Variants in GMDS observed in about 807,000 individuals in gnomAD.
GMDS encodes the protein GDP-mannose 4,6-dehydratase.
A neutral mutation model predicts 49.9 loss-of-function variants in GMDS; 20 were observed. That is an observed-to-expected ratio of 0.40 (90% CI 0.28 to 0.58). GMDS has a LOEUF of 0.58. Among genes scored for constraint, GMDS ranks in the 20% least tolerant of loss-of-function variants. The pLI is 0.42. For synonymous variants in GMDS, 177 were observed against 178.6 expected (o/e 0.99, Z 0.07); for missense variants, 362 against 481.4 (o/e 0.75, Z 2.32).
chr6:1,695,981 G>C (rs1333986785), intron 9 of GMDS, among the ~76,000 whole-genome samples: 1 of 146,052 alleles, frequency 6.8e-6, no homozygotes, highest in Non-Finnish European at 1.5e-5. Context: ...AGGAGAGTGA[G>C]AGCACCAAGT....
At chr6:2,108,383 A>G (rs1469984340) in intron 4 of GMDS, among the ~76,000 whole-genome samples, 16 of 151,954 alleles carry the variant, frequency 1.1e-4, no homozygotes, top group Non-Finnish European at 4.4e-5. Context: ...TAAATTTTAT[A>G]TTGAATTAAA....
chr6:2,236,610 C>T (rs1270610712), intron 1 of GMDS, among the ~76,000 whole-genome samples: 1 of 152,132 alleles, frequency 6.6e-6, no homozygotes, highest in Non-Finnish European at 1.5e-5. Flanking sequence ...TTGCAAAATT[C>T]CAATTCATCA....
chr6:1,950,320 T>C (rs1035309508), intron 6 of GMDS, among the ~76,000 whole-genome samples: 3 of 152,238 alleles, frequency 2.0e-5, no homozygotes, highest in African/African-American at 7.2e-5. Context: ...TGTTGTTTTA[T>C]ATCAAAGCCA....
intron 7 of GMDS, among the ~76,000 whole-genome samples, chr6:1,787,949 A>C (rs1581181755): frequency 6.6e-6 from 1 of 151,990 alleles, no homozygotes; most frequent in African/African-American, 2.4e-5. Flanking sequence ...GTGGCATGGG[A>C]GAGTGTGGAG....
At chr6:2,229,515 T>A (rs1002450074) in intron 1 of GMDS, among the ~76,000 whole-genome samples, 1 of 151,954 alleles carries the variant, frequency 6.6e-6, no homozygotes, top group African/African-American at 2.4e-5. Flanking sequence ...GAGCCCAGCA[T>A]GTCCAGGCTG....
intron 7 of GMDS, among the ~76,000 whole-genome samples, chr6:1,760,486 A>G (rs1768115669): frequency 6.6e-6 from 1 of 152,128 alleles, no homozygotes; most frequent in Non-Finnish European, 1.5e-5. Flanking sequence ...AGAGGAGACA[A>G]CCCAGTACAC....
intron 6 of GMDS, among the ~76,000 whole-genome samples, chr6:1,949,258 G>T (rs1280245389): frequency 6.6e-6 from 1 of 152,160 alleles, no homozygotes; most frequent in East Asian, 1.9e-4. Context: ...CCATCAGGTG[G>T]GCGTTATTAA....
chr6:1,872,619 ACGAGC>A (rs961530421), intron 7 of GMDS, among the ~76,000 whole-genome samples: 1 of 152,264 alleles, frequency 6.6e-6, no homozygotes, highest in Admixed American at 6.5e-5. Context: ...ATTATTTATT[ACGAGC>A]CACACATGTG....
chr6:1,716,104 C>A (rs530948461), intron 9 of GMDS, among the ~76,000 whole-genome samples: 2 of 152,288 alleles, frequency 1.3e-5, no homozygotes, highest in Admixed American at 6.5e-5. Context: ...AACAAAATCC[C>A]TGGAAAATAG....
chr6:2,147,465 CA>C (rs1380467403), intron 1 of GMDS, among the ~76,000 whole-genome samples: 1 of 152,024 alleles, frequency 6.6e-6, no homozygotes, highest in Non-Finnish European at 1.5e-5. Context: ...TGATTTGGTC[CA>C]AAAGGATATT....
At chr6:2,156,372 G>A (rs1777114772) in intron 1 of GMDS, among the ~76,000 whole-genome samples, 1 of 152,072 alleles carries the variant, frequency 6.6e-6, no homozygotes. Flanking sequence ...ACTGAAAAAG[G>A]ATATTGATTT....
At chr6:1,872,215 C>A (rs553687308) in intron 7 of GMDS, among the ~76,000 whole-genome samples, 2 of 152,356 alleles carry the variant, frequency 1.3e-5, no homozygotes, top group African/African-American at 4.8e-5. Flanking sequence ...CTGGGCCGAG[C>A]ACATCCACCG....
chr6:1,710,321 CTCA>C (rs1379306360), intron 9 of GMDS, among the ~76,000 whole-genome samples: 4 of 152,242 alleles, frequency 2.6e-5, no homozygotes, highest in Non-Finnish European at 4.4e-5. Context: ...AGCAGATCTA[CTCA>C]TCAACTTGGT....
chr6:1,993,655 C>T lies in GMDS; in HGVS notation c.346-32689G>A, dbSNP rs541220156. On this transcript the variant is annotated intron_variant, in intron 4 of 10. Coordinates refer to ENST00000380815, the MANE Select transcript of GMDS (RefSeq NM_001500.4). ...CCTCATTCTCCAATTCCTCACAAAG[C>T]TCTATTTTATAAATGTTTGCAGAGC... Among the ~76,000 whole-genome samples the T allele has an allele frequency of 5.3e-5, 8 of 151,934 alleles. No homozygotes were observed. In the East Asian group the frequency reaches 1.5e-3, roughly 29 times the overall value.
chr6:1,680,273 C>A (rs1472258303), intron 9 of GMDS, among the ~76,000 whole-genome samples: 1 of 152,210 alleles, frequency 6.6e-6, no homozygotes, highest in Non-Finnish European at 1.5e-5. Flanking sequence ...GCCCTTCATC[C>A]ACCTGCTTCC....
intron 6 of GMDS, among the ~76,000 whole-genome samples, chr6:1,941,413 G>C (rs1325541274): frequency 6.6e-6 from 1 of 152,154 alleles, no homozygotes; most frequent in Non-Finnish European, 1.5e-5. Context: ...GGGAAGCAAG[G>C]ACACGGGAGT....
chr6:2,114,999 A>G (rs1774764007), intron 4 of GMDS, among the ~76,000 whole-genome samples: 1 of 152,152 alleles, frequency 6.6e-6, no homozygotes, highest in East Asian at 1.9e-4. Flanking sequence ...CATTTTCTGG[A>G]CTTTTGAGGG....
chr6:1,817,813 G>C (rs2113695567), intron 7 of GMDS, among the ~76,000 whole-genome samples: 1 of 152,228 alleles, frequency 6.6e-6, no homozygotes, highest in Admixed American at 6.5e-5. Context: ...CTAGGACGGA[G>C]GTAAAAGCCT....
chr6:2,140,541 G>C (rs1045712024), intron 1 of GMDS, among the ~76,000 whole-genome samples: 1 of 152,202 alleles, frequency 6.6e-6, no homozygotes, highest in Non-Finnish European at 1.5e-5. Flanking sequence ...TTGTGAATCA[G>C]CAAGAGGTCA....
Sources: gnomAD v4.1 joint callset for allele counts (sites outside exome capture counted in the v4.1 genomes callset) on GRCh38, gnomAD v4.1.1 for gene constraint, MANE v1.5 for transcripts, NCBI Gene and HGNC (gene_info 2026-07-23, HGNC 2026-07-21) for gene names.